The following OPA1 variants were observed in gnomAD, a reference collection of about 807,000 sequenced individuals.
The protein encoded by OPA1 is dynamin-like GTPase OPA1, mitochondrial.
In OPA1, 59 loss-of-function variants were observed where a neutral mutation model predicts 152.9. The observed-to-expected ratio is 0.39, with a 90% CI of 0.31 to 0.48. The LOEUF is 0.48. Among genes scored for constraint, OPA1 ranks in the 20% least tolerant of loss-of-function variants. OPA1 has a pLI of 0.96. For synonymous variants in OPA1, 400 were observed against 389.9 expected (o/e 1.03, Z -0.31); for missense variants, 1,008 against 1,216.8 (o/e 0.83, Z 2.55).
intron 9 of OPA1, among the ~76,000 whole-genome samples, chr3:193,636,289 A>C (rs983194865): frequency 3.1e-4 from 47 of 151,476 alleles, no homozygotes; most frequent in Non-Finnish European, 6.2e-4. Context: ...AGTGGCACTT[A>C]GAACTGAGAA....
At chr3:193,663,028 C>T (rs745600540) in intron 26 of OPA1, 66 bp downstream of exon 26, 11 of 1,506,984 alleles carry the variant, frequency 7.3e-6, no homozygotes, top group African/African-American at 1.4e-5. Context: ...GTAAATGTTA[C>T]TACATGTGTT....
intron 29 of OPA1, among the ~76,000 whole-genome samples, chr3:193,683,391 A>G (rs1202538243): frequency 1.3e-5 from 2 of 151,982 alleles, no homozygotes; most frequent in Non-Finnish European, 2.9e-5. Flanking sequence ...AGAATATTAC[A>G]TAAACTTAGT....
In OPA1 at chr3:193,626,347, A is replaced by G; in HGVS notation, c.789+145A>G. 4 of 673,472 alleles carry G rather than the reference A, an allele frequency of 5.9e-6. No individual in the cohort carries two copies. The East Asian group carries it at 1.1e-4, about 19-fold the overall frequency. The allele number at this position is 673,472 out of a possible 1,614,324, so 41.7% of individuals were successfully genotyped here. ...AAAATATAAAAGATGCATCATATAA[A>G]TATGTAACTTTTCTGGAGTGGGTAG... On this transcript the variant is annotated intron_variant, in intron 7 of 30. Transcript: ENST00000361510.
At chr3:193,623,549 C>T (rs1397238891) in intron 6 of OPA1, among the ~76,000 whole-genome samples, 1 of 152,010 alleles carries the variant, frequency 6.6e-6, no homozygotes, top group African/African-American at 2.4e-5. Flanking sequence ...TTGAGATCTG[C>T]AGTGTCAAAC....
At chr3:193,685,984 T>C (rs985952836) in intron 29 of OPA1, among the ~76,000 whole-genome samples, 1 of 152,190 alleles carries the variant, frequency 6.6e-6, no homozygotes, top group Non-Finnish European at 1.5e-5. Flanking sequence ...TTCTCTGCTT[T>C]ATAAAAATCA....
intron 29 of OPA1, among the ~76,000 whole-genome samples, chr3:193,685,937 A>G (rs573071178): frequency 1.3e-5 from 2 of 152,210 alleles, no homozygotes; most frequent in South Asian, 2.1e-4. Flanking sequence ...CGAATACAAC[A>G]TTGTCATATA....
At chr3:193,622,292 G>A (rs1007817994) in intron 6 of OPA1, among the ~76,000 whole-genome samples, 2 of 138,414 alleles carry the variant, frequency 1.4e-5, no homozygotes, top group South Asian at 2.2e-4. Context: ...ACAGTGGTAC[G>A]ATCTTGGCCC....
At position 193,647,098 on chromosome 3, in the gene OPA1, A is replaced by T; in HGVS notation, c.1788A>T (p.Thr596=). Residue 596 remains threonine (T), a synonymous_variant, in exon 19 of 31, where the codon ACA becomes ACT. Coordinates refer to ENST00000361510, the MANE Select transcript of OPA1 (RefSeq NM_130837.3). The part of the protein sequence containing the change: ...TSMLKAHQVT[T]RNLSLAVSDC... ...TGCTAAAGGCACACCAAGTGACTAC[A>T]AGAAATTTAAGCCTTGCAGTATCAG... 6.2e-7 allele frequency: 1 copy of T among 1,613,260 alleles called. No homozygotes were observed. Among genetic ancestry groups the T allele is most frequent in the Non-Finnish European group, 8.5e-7 (1 of 1,179,792 alleles).
intron 1 of OPA1, 84 bp from the exon 2 acceptor site, chr3:193,614,639 C>T (rs1481302341): frequency 4.3e-6 from 4 of 921,098 alleles, no homozygotes; most frequent in African/African-American, 3.4e-5. Context: ...GGCTGTGTTT[C>T]CTTTAGTATA....
chr3:193,644,743 C>T (rs1734285812), intron 16 of OPA1, among the ~76,000 whole-genome samples: 1 of 152,132 alleles, frequency 6.6e-6, no homozygotes. Context: ...ATTTCTGTGG[C>T]CTCCTCCCCA....
chr3:193,642,370 A>G (rs921141978), intron 11 of OPA1, among the ~76,000 whole-genome samples: 5 of 152,202 alleles, frequency 3.3e-5, no homozygotes, highest in African/African-American at 1.2e-4. Context: ...GAATGAATGA[A>G]TTGTCCTTTA....
At chr3:193,644,210 T>A in intron 16 of OPA1, 105 bp downstream of exon 16, 1 of 1,303,386 alleles carries the variant, frequency 7.7e-7, no homozygotes, top group Non-Finnish European at 1.1e-6. Flanking sequence ...AAAAACACCT[T>A]ACAACTAAGA....
chr3:193,615,850 T>C, intron 3 of OPA1, 80 bp downstream of exon 3: 1 of 842,264 alleles, frequency 1.2e-6, no homozygotes, highest in Non-Finnish European at 2.1e-6. Flanking sequence ...GTTTCTTAAC[T>C]TATGAACCTA....
chr3:193,599,990 G>A (rs377031326), intron 1 of OPA1, among the ~76,000 whole-genome samples: 1 of 152,360 alleles, frequency 6.6e-6, no homozygotes, highest in East Asian at 1.9e-4. Flanking sequence ...GTCTATGAGT[G>A]GTTGAAGTAT....
chr3:193,648,172 A>G, intron 20 of OPA1, 38 bp downstream of exon 20: 2 of 1,476,680 alleles, frequency 1.4e-6, no homozygotes, highest in Non-Finnish European at 1.9e-6. Flanking sequence ...TATATATCTT[A>G]ATTTAATGTT....
intron 18 of OPA1, among the ~76,000 whole-genome samples, chr3:193,646,147 G>A (rs1025401726): frequency 1.3e-5 from 2 of 152,172 alleles, no homozygotes; most frequent in African/African-American, 4.8e-5. Flanking sequence ...CAGTATTGGG[G>A]AAGATTGGAG....
chr3:193,677,679 G>C (rs893261478), intron 29 of OPA1, among the ~76,000 whole-genome samples: 7 of 152,158 alleles, frequency 4.6e-5, no homozygotes, highest in African/African-American at 1.7e-4. Flanking sequence ...TTTTAATTTT[G>C]CACTATTTTG....
chr3:193,650,760 G>A lies in OPA1; in HGVS notation c.2012+1889G>A, dbSNP rs186121829. On this transcript the variant is annotated intron_variant, in intron 21 of 30. Coordinates refer to ENST00000361510, the MANE Select transcript of OPA1 (RefSeq NM_130837.3). ...AATACTCACTCAGCATTTTTACGCTGTGCCTGGTTTTCAAGAGTGAATCAC... is the reference window on the plus strand; with the variant it reads ...AATACTCACTCAGCATTTTTACGCTATGCCTGGTTTTCAAGAGTGAATCAC... 3.5e-3 allele frequency among the ~76,000 whole-genome samples: 526 copies of A among 152,196 alleles called. 1 individual carries two copies. The highest frequency in any genetic ancestry group is 4.1e-3 in the Non-Finnish European group (281 of 68,004).
chr3:193,593,297 TG>T lies in OPA1; in HGVS notation c.-79del. 1 of 1,456,774 alleles carries T rather than the reference TG, an allele frequency of 6.9e-7. No homozygotes were observed. The highest frequency in any genetic ancestry group is 9.2e-7 in the Non-Finnish European group (1 of 1,084,556). 90.2% of individuals were successfully genotyped at this position (1,456,774 alleles called of 1,614,324 possible). A position where few individuals can be genotyped will look rare whatever the true frequency, so the allele number is the denominator to read the frequency against. On this transcript the variant is annotated 5_prime_UTR_variant, in exon 1 of 31. The change creates a premature stop within an existing upstream ORF in the 5' untranslated region. Coordinates refer to ENST00000361510, the MANE Select transcript of OPA1 (RefSeq NM_130837.3). ...TGAGGGCCACTTCCTGGGTCATTCC[TG>T]GACCGGGAGCCGGGCTGGGGCTCAC...
Sources: gnomAD v4.1 joint callset for allele counts (sites outside exome capture counted in the v4.1 genomes callset) on GRCh38, gnomAD v4.1.1 for gene constraint, MANE v1.5 for transcripts, NCBI Gene and HGNC (gene_info 2026-07-23, HGNC 2026-07-21) for gene names.